CHD2: variants seen among roughly 807,000 people sequenced by gnomAD.
The protein encoded by CHD2 is ATP-dependent chromatin remodeler CHD2.
In CHD2, 28 loss-of-function variants were observed where a neutral mutation model predicts 243.9. That is an observed-to-expected ratio of 0.11 (90% CI 0.09 to 0.16). CHD2 has a LOEUF of 0.16. CHD2 is among the 10% of genes least tolerant of loss of function. CHD2 has a pLI of 1.00. For missense variants in CHD2, 1,386 were observed against 2,209.8 expected, an observed-to-expected ratio of 0.63 and a Z score of 7.47; for synonymous variants, 775 against 779.0, an observed-to-expected ratio of 0.99 and a Z score of 0.09.
chr15:92,961,288 T>TG (rs572588523), intron 16 of CHD2, among the ~76,000 whole-genome samples: 3 of 56,960 alleles, frequency 5.3e-5, no homozygotes, highest in Non-Finnish European at 9.7e-5. Context: ...TTAAGTTTTC[T>TG]ATTCTTCTTG....
chr15:92,904,380 C>T, intron 2 of CHD2: 4 of 924,834 alleles, frequency 4.3e-6, no homozygotes, highest in Non-Finnish European at 5.2e-6. Flanking sequence ...GCCTCCGCCC[C>T]GTGACGTCAG....
chr15:92,901,181 C>T lies in CHD2; in HGVS notation c.-57C>T. The T allele has an allele frequency of 9.8e-7, 1 of 1,017,318 alleles. No individual in the cohort carries two copies. The highest frequency in any genetic ancestry group is 1.5e-6 in the Non-Finnish European group (1 of 646,552). 63.0% of individuals were successfully genotyped at this position (1,017,318 alleles called of 1,614,324 possible). A position where few individuals can be genotyped will look rare whatever the true frequency, so the allele number is the denominator to read the frequency against. On this transcript the variant is annotated 5_prime_UTR_variant, in exon 2 of 39. Transcript: ENST00000394196. The stretch of plus-strand genomic sequence containing the variant: ...ACTTTTGACAGTAAATACCTGGGCA[C>T]AGGACTTCAAAGCAAACACAGATTC...
chr15:92,915,173 C>CT (rs1379317915), intron 2 of CHD2, among the ~76,000 whole-genome samples: 1 of 152,108 alleles, frequency 6.6e-6, no homozygotes, highest in African/African-American at 2.4e-5. Flanking sequence ...CTGCTGAATC[C>CT]TGGGGAGGGG....
rs1227768491 is a variant in CHD2 at position 93,025,883 on chromosome 15, C to T, written c.*1178C>T. 6.6e-6 allele frequency: 1 copy of T among 152,138 alleles called. No individual in the cohort carries two copies. Among genetic ancestry groups the T allele is most frequent in the African/African-American group, 2.4e-5 (1 of 41,408 alleles). The allele number at this position is 152,138 out of a possible 1,614,324, so 9.4% of individuals were successfully genotyped here. On this transcript the variant is annotated 3_prime_UTR_variant, in exon 39 of 39. Transcript: ENST00000394196. The stretch of plus-strand genomic sequence containing the variant: ...TGTGGTGGGCAGATGGAAATAAGTA[C>T]CTGTGGTGAACAAGTTTCTACTGTA...
At chr15:92,942,554 G>T (rs2053400375) in intron 8 of CHD2, among the ~76,000 whole-genome samples, 1 of 151,888 alleles carries the variant, frequency 6.6e-6, no homozygotes, top group African/African-American at 2.4e-5. Context: ...GTTAGTAAGG[G>T]ACCAAAACAA....
intron 32 of CHD2, among the ~76,000 whole-genome samples, chr15:93,001,611 G>T (rs944845024): frequency 2.6e-5 from 4 of 152,010 alleles, no homozygotes; most frequent in Admixed American, 6.6e-5. Context: ...CCACCTCCTG[G>T]GTTCAAGTGA....
intron 37 of CHD2, among the ~76,000 whole-genome samples, chr15:93,019,778 T>A (rs545438424): frequency 1.3e-5 from 2 of 151,860 alleles, no homozygotes; most frequent in African/African-American, 2.4e-5. Flanking sequence ...TACTAAAAAT[T>A]CAAAAATTGG....
chr15:92,912,752 T>G (rs12914508), intron 2 of CHD2, among the ~76,000 whole-genome samples: 22 of 152,026 alleles, frequency 1.4e-4, no homozygotes, highest in African/African-American at 5.1e-4. Flanking sequence ...GCCAGGCTGG[T>G]CTCAAACTCC....
chr15:92,965,565 CAAAAAAAAA>C lies in CHD2; in HGVS notation c.2001-1738_2001-1730del, dbSNP rs61447848. Among the ~76,000 whole-genome samples the C allele has an allele frequency of 2.6e-3, 288 of 111,038 alleles. 1 individual carries two copies. Among genetic ancestry groups the C allele is most frequent in the African/African-American group, 0.011 (255 of 22,440 alleles). 72.8% of individuals were successfully genotyped at this position (111,038 alleles called of 152,430 possible). ...GGCGACAGAGCCGAGACTCTTTCTC[CAAAAAAAAA>C]AAAAAAAAAAAAAAAAAAAAACCAA... is the stretch of plus-strand genomic sequence containing the variant. On this transcript the variant is annotated intron_variant, in intron 16 of 38. Coordinates refer to ENST00000394196, the MANE Select transcript of CHD2 (RefSeq NM_001271.4).
chr15:92,934,379 A>T (rs1169929858), intron 5 of CHD2, among the ~76,000 whole-genome samples: 1 of 152,042 alleles, frequency 6.6e-6, no homozygotes, highest in Non-Finnish European at 1.5e-5. Flanking sequence ...TAGTTCTCAA[A>T]ATTTCGGGAA....
chr15:92,993,039 C>T (rs2054140811), intron 28 of CHD2, 41 bp downstream of exon 28: 1 of 1,608,238 alleles, frequency 6.2e-7, no homozygotes, highest in Non-Finnish European at 8.5e-7. Context: ...CAACCTGGCA[C>T]TCTTGGACTG....
rs765042383 is a variant in CHD2 at position 92,978,100 on chromosome 15, C to A, written c.2578-134C>A. On this transcript the variant is annotated intron_variant, in intron 20 of 38. Coordinates refer to ENST00000394196, the MANE Select transcript of CHD2 (RefSeq NM_001271.4). The stretch of plus-strand genomic sequence containing the variant: ...CATCAAGTCCCTGACATTCTTTTAG[C>A]CTCCATAAAGTTTGTCCATCATATC... 4.1e-6 allele frequency: 4 copies of A among 969,316 alleles called. No individual in the cohort carries two copies. In the Middle Eastern group the frequency reaches 6.4e-4, roughly 154 times the overall value. 60.0% of individuals were successfully genotyped at this position (969,316 alleles called of 1,614,324 possible). A position where few individuals can be genotyped will look rare whatever the true frequency, so the allele number is the denominator to read the frequency against.
At chr15:92,902,911 G>A (rs1182660065) in intron 2 of CHD2, 1 of 152,194 alleles carries the variant, frequency 6.6e-6, no homozygotes, top group Non-Finnish European at 1.5e-5. Context: ...ATTGAGCAGT[G>A]TTGGTATTCT....
chr15:92,921,665 T>A (rs2052958534), intron 2 of CHD2, among the ~76,000 whole-genome samples: 1 of 152,160 alleles, frequency 6.6e-6, no homozygotes, highest in African/African-American at 2.4e-5. Context: ...AATTTTGTGT[T>A]AGAAGGGGAA....
intron 2 of CHD2, among the ~76,000 whole-genome samples, chr15:92,906,729 T>C (rs1375981629): frequency 6.6e-6 from 1 of 151,654 alleles, no homozygotes; most frequent in South Asian, 2.1e-4. Flanking sequence ...CTTAGAACTT[T>C]GCTTCCTTGA....
In CHD2 at chr15:93,004,495, T is replaced by TC. The variant is rs149995378; in HGVS notation, c.4279-122_4279-121insC. On this transcript the variant is annotated intron_variant, in intron 33 of 38. Coordinates refer to ENST00000394196, the MANE Select transcript of CHD2 (RefSeq NM_001271.4). Reference sequence around the variant, plus strand: ...ATGTTTCAGGATTTTATTTTACTTTTTAAAAAATAAACTGAGACCATCATA... The same window carrying TC: ...ATGTTTCAGGATTTTATTTTACTTTTCTAAAAAATAAACTGAGACCATCATA... 3.6e-3 allele frequency: 3,428 copies of TC among 957,852 alleles called. 72 individuals are homozygous for TC. In the African/African-American group the frequency reaches 0.052, roughly 14 times the overall value. The allele number at this position is 957,852 out of a possible 1,614,324, so 59.3% of individuals were successfully genotyped here. A position where few individuals can be genotyped will look rare whatever the true frequency, so the allele number is the denominator to read the frequency against.
In CHD2 at chr15:93,026,904, GT is replaced by G. The variant is rs2054590925; in HGVS notation, c.*2202del. 2 of 152,702 alleles carry G rather than the reference GT, an allele frequency of 1.3e-5. No homozygotes were observed. Among genetic ancestry groups the G allele is most frequent in the Non-Finnish European group, 2.9e-5 (2 of 68,082 alleles). 9.5% of individuals were successfully genotyped at this position (152,702 alleles called of 1,614,324 possible). A position where few individuals can be genotyped will look rare whatever the true frequency, so the allele number is the denominator to read the frequency against. On this transcript the variant is annotated 3_prime_UTR_variant, in exon 39 of 39. Coordinates refer to ENST00000394196, the MANE Select transcript of CHD2 (RefSeq NM_001271.4). ...CCAGAGGTCCTGCATTTCCATCAGGGTTTCCACAGTCATCAGGGCTTCTCTC... is the reference window on the plus strand; with the variant it reads ...CCAGAGGTCCTGCATTTCCATCAGGGTTCCACAGTCATCAGGGCTTCTCTC...
chr15:92,942,264 A>G (rs879247608), intron 8 of CHD2, among the ~76,000 whole-genome samples: 2 of 152,210 alleles, frequency 1.3e-5, no homozygotes, highest in Admixed American at 1.3e-4. Context: ...CCTTGTGAAA[A>G]TATCAAACTG....
At chr15:93,003,123 A>G (rs566939541) in intron 33 of CHD2, among the ~76,000 whole-genome samples, 3 of 152,122 alleles carry the variant, frequency 2.0e-5, no homozygotes, top group Non-Finnish European at 4.4e-5. Context: ...ACAAAATAAA[A>G]ACAAGCAAAA....
Sources: allele counts gnomAD v4.1 joint callset (sites outside exome capture counted in the v4.1 genomes callset), GRCh38; gene constraint gnomAD v4.1.1; transcripts MANE v1.5; gene names NCBI Gene and HGNC (gene_info 2026-07-23, HGNC 2026-07-21).